VRK2: variants seen among roughly 807,000 people sequenced by gnomAD.
VRK2 encodes the protein serine/threonine-protein kinase VRK2.
In VRK2, 60 loss-of-function variants were observed where a neutral mutation model predicts 57.6. That is an observed-to-expected ratio of 1.04 (90% CI 0.85 to 1.29). The LOEUF (loss-of-function observed/expected upper bound fraction) is 1.29. VRK2 is among the 50% of genes most tolerant of loss of function. VRK2 has a pLI of 0.00. For missense variants in VRK2, 705 were observed against 588.1 expected (o/e 1.20, Z -2.06); for synonymous variants, 231 against 199.2 (o/e 1.16, Z -1.35).
At chr2:57,923,863 AGATTT>A (rs1357795861) in intron 1 of VRK2, among the ~76,000 whole-genome samples, 1 of 151,960 alleles carries the variant, frequency 6.6e-6, no homozygotes, top group Non-Finnish European at 1.5e-5. Context: ...TTCAGTTCTT[AGATTT>A]AAGTCTTTAA....
intron 1 of VRK2, among the ~76,000 whole-genome samples, chr2:57,977,490 G>A (rs1043426651): frequency 1.3e-5 from 2 of 152,008 alleles, no homozygotes; most frequent in African/African-American, 4.8e-5. Flanking sequence ...TTTTGTGAAT[G>A]AGATTGTGTT....
chr2:58,105,249 A>G (rs1371432839), intron 7 of VRK2, among the ~76,000 whole-genome samples: 9 of 152,002 alleles, frequency 5.9e-5, no homozygotes, highest in African/African-American at 1.9e-4. Flanking sequence ...AAGAGAAACA[A>G]TCAACCAAGT....
At chr2:58,112,455 A>G (rs1213308235) in intron 7 of VRK2, among the ~76,000 whole-genome samples, 1 of 152,056 alleles carries the variant, frequency 6.6e-6, no homozygotes. Context: ...GTCTTTCTCT[A>G]CTGAGTTATC....
chr2:58,016,656 C>T (rs1673592333), intron 1 of VRK2, among the ~76,000 whole-genome samples: 1 of 152,098 alleles, frequency 6.6e-6, no homozygotes, highest in African/African-American at 2.4e-5. Context: ...CACCACCTGG[C>T]CATGTTTTAG....
intron 3 of VRK2, chr2:58,040,943 T>TA: frequency 1.3e-6 from 1 of 762,920 alleles, no homozygotes; most frequent in Non-Finnish European, 1.6e-6. Flanking sequence ...AACTATTTCT[T>TA]ACTTCTCCTC....
intron 1 of VRK2, among the ~76,000 whole-genome samples, chr2:58,006,677 C>T (rs958363054): frequency 1.3e-5 from 2 of 152,050 alleles, no homozygotes; most frequent in Non-Finnish European, 2.9e-5. Context: ...ATCTCCAAGG[C>T]AAGGTGGGTA....
chr2:57,951,291 T>C (rs1287214956), intron 1 of VRK2, among the ~76,000 whole-genome samples: 8 of 152,152 alleles, frequency 5.3e-5, no homozygotes, highest in African/African-American at 1.9e-4. Flanking sequence ...AGCCTGAAGA[T>C]GTGACTGAAT....
intron 2 of VRK2, among the ~76,000 whole-genome samples, chr2:58,054,202 TC>T (rs1212009116): frequency 6.6e-6 from 1 of 152,106 alleles, no homozygotes; most frequent in East Asian, 1.9e-4. Context: ...CTTGGCTTTT[TC>T]ATTTTTTTAA....
At chr2:58,125,117 C>T (rs1386184567) in intron 8 of VRK2, among the ~76,000 whole-genome samples, 2 of 152,048 alleles carry the variant, frequency 1.3e-5, no homozygotes. Context: ...AGCATTGGCC[C>T]AGTTATATTA....
At chr2:57,951,852 T>G (rs1307602166) in intron 1 of VRK2, among the ~76,000 whole-genome samples, 1 of 151,738 alleles carries the variant, frequency 6.6e-6, no homozygotes, top group African/African-American at 2.4e-5. Flanking sequence ...CAAGTGATCC[T>G]CCCACATCAG....
chr2:57,922,241 C>G (rs1240758818), intron 1 of VRK2, among the ~76,000 whole-genome samples: 5 of 151,806 alleles, frequency 3.3e-5, no homozygotes, highest in Admixed American at 3.3e-4. Flanking sequence ...ATTAAAAAAA[C>G]AGGAAAGATA....
chr2:58,116,254 A>G (rs574583573), intron 7 of VRK2, among the ~76,000 whole-genome samples: 2 of 152,114 alleles, frequency 1.3e-5, no homozygotes, highest in East Asian at 3.9e-4. Context: ...GAGGTATCTT[A>G]TACTTGTGGG....
intron 7 of VRK2, among the ~76,000 whole-genome samples, chr2:58,106,086 C>T (rs1372215676): frequency 6.6e-6 from 1 of 151,854 alleles, no homozygotes; most frequent in East Asian, 1.9e-4. Flanking sequence ...TCCAGATTTC[C>T]CTCTTCCATT....
intron 1 of VRK2, among the ~76,000 whole-genome samples, chr2:57,970,460 A>C (rs1356024375): frequency 6.6e-6 from 1 of 151,432 alleles, no homozygotes; most frequent in Non-Finnish European, 1.5e-5. Context: ...TTCATGAAAC[A>C]GATCCTTCTT....
chr2:58,159,295 T>A lies in VRK2; in HGVS notation c.1183-54T>A, dbSNP rs910827556. The A allele has an allele frequency of 2.2e-6, 3 of 1,367,678 alleles. No individual in the cohort carries two copies. The African/African-American group carries it at 4.4e-5, about 20-fold the overall frequency. 84.7% of individuals were successfully genotyped at this position (1,367,678 alleles called of 1,614,324 possible). ...ATTCTTACACACTACACAAAATAAATACTTGGATAACTCACGTCTAACAAA... is the reference window on the plus strand; with the variant it reads ...ATTCTTACACACTACACAAAATAAAAACTTGGATAACTCACGTCTAACAAA... On this transcript the variant is annotated intron_variant, in intron 12 of 12. Transcript: ENST00000340157.
At chr2:57,961,772 A>T (rs907993957) in intron 1 of VRK2, among the ~76,000 whole-genome samples, 1 of 152,170 alleles carries the variant, frequency 6.6e-6, no homozygotes, top group Admixed American at 6.6e-5. Context: ...GCACTGATAG[A>T]GGCTCAGTCA....
intron 2 of VRK2, among the ~76,000 whole-genome samples, chr2:58,071,716 A>G (rs1478594437): frequency 6.6e-6 from 1 of 152,034 alleles, no homozygotes; most frequent in Non-Finnish European, 1.5e-5. Context: ...TTGAACTTGA[A>G]TAGTGCAAGT....
At chr2:57,979,363 T>C (rs1487235966) in intron 1 of VRK2, among the ~76,000 whole-genome samples, 1 of 151,218 alleles carries the variant, frequency 6.6e-6, no homozygotes, top group Non-Finnish European at 1.5e-5. Flanking sequence ...CTGTTCTGAC[T>C]GGCATGCGAT....
chr2:58,042,008 G>A (rs984491781), upstream of VRK2, among the ~76,000 whole-genome samples: 3 of 151,618 alleles, frequency 2.0e-5, no homozygotes, highest in South Asian at 2.1e-4. Context: ...TAAAACATAC[G>A]AAACCAAACT....
Sources: gnomAD v4.1 joint callset for allele counts (sites outside exome capture counted in the v4.1 genomes callset) on GRCh38, gnomAD v4.1.1 for gene constraint, MANE v1.5 for transcripts, NCBI Gene and HGNC (gene_info 2026-07-23, HGNC 2026-07-21) for gene names.